Variants in MAN1A1 observed in about 807,000 individuals in gnomAD.
MAN1A1 encodes the protein mannosidase alpha class 1A member 1.
MAN1A1 carries 29 observed loss-of-function variants against 70.8 expected under a neutral mutation model. The ratio of observed to expected loss-of-function variants is 0.41; its 90% CI spans 0.31 to 0.56. The LOEUF is 0.56. Ranked by LOEUF, MAN1A1 falls within the 20% of genes least tolerant of loss-of-function variation. The probability of loss-of-function intolerance (pLI) is 0.29; values close to 1 mark genes in which losing one functional copy is unlikely to be tolerated. For missense variants in MAN1A1, 747 were observed against 841.3 expected (o/e 0.89, Z 1.39); for synonymous variants, 349 against 330.1 (o/e 1.06, Z -0.62).
chr6:119,337,133 T>C, intron 2 of MAN1A1, among the ~76,000 whole-genome samples: 1 of 152,184 alleles, frequency 6.6e-6, no homozygotes, highest in East Asian at 1.9e-4. Context: ...TACAGTCATA[T>C]AAGAAAATGA....
intron 2 of MAN1A1, chr6:119,331,873 G>T: frequency 2.4e-6 from 1 of 421,724 alleles, no homozygotes; most frequent in East Asian, 7.0e-5. Context: ...GGCCCCAGGG[G>T]ATATGGGGAA....
chr6:119,261,410 ATATT>A (rs1348765512), intron 5 of MAN1A1, among the ~76,000 whole-genome samples: 1 of 152,214 alleles, frequency 6.6e-6, no homozygotes, highest in African/African-American at 2.4e-5. Flanking sequence ...TATTCAACAA[ATATT>A]TATTTAGTGC....
intron 5 of MAN1A1, among the ~76,000 whole-genome samples, chr6:119,263,378 A>G (rs1307191132): frequency 2.0e-5 from 3 of 152,186 alleles, no homozygotes; most frequent in Non-Finnish European, 2.9e-5. Context: ...GGAGGCCATT[A>G]TCCTAAGCAA....
intron 2 of MAN1A1, among the ~76,000 whole-genome samples, chr6:119,321,259 A>G (rs1391937947): frequency 6.6e-6 from 1 of 152,236 alleles, no homozygotes; most frequent in East Asian, 1.9e-4. Flanking sequence ...TTTGAACAAT[A>G]TTAGAATTCC....
At chr6:119,217,142 C>T (rs1169083334) in intron 6 of MAN1A1, among the ~76,000 whole-genome samples, 1 of 152,164 alleles carries the variant, frequency 6.6e-6, no homozygotes, top group Admixed American at 6.5e-5. Flanking sequence ...TGAGAATGGT[C>T]TAGTTGCTCA....
At chr6:119,194,078 TA>T (rs1278263042) in intron 8 of MAN1A1, among the ~76,000 whole-genome samples, 186 bp from the exon 9 acceptor site, 1 of 152,214 alleles carries the variant, frequency 6.6e-6, no homozygotes, top group Non-Finnish European at 1.5e-5. Flanking sequence ...TTAACTAATG[TA>T]ACATACTCTA....
chr6:119,189,556 C>A (rs1342285280), intron 10 of MAN1A1, 108 bp downstream of exon 10: 3 of 946,878 alleles, frequency 3.2e-6, no homozygotes, highest in Admixed American at 2.0e-5. Context: ...TCACGATCAT[C>A]AAGCTTCATA....
intron 5 of MAN1A1, among the ~76,000 whole-genome samples, chr6:119,249,108 C>A (rs906593142): frequency 6.6e-6 from 1 of 151,980 alleles, no homozygotes; most frequent in East Asian, 1.9e-4. Context: ...TACCACAGAC[C>A]GGAGTGAAGA....
chr6:119,257,323 A>T (rs1416995361), intron 5 of MAN1A1, among the ~76,000 whole-genome samples: 1 of 152,190 alleles, frequency 6.6e-6, no homozygotes, highest in Non-Finnish European at 1.5e-5. Flanking sequence ...AGTTTAAAAG[A>T]TGGTTAAAAG....
At position 119,180,444 on chromosome 6, in the gene MAN1A1, GA is replaced by G. The variant is rs553091066; in HGVS notation, c.1720-18del. ...TTCCAAGGCCTAAATTATAGAGGAG[GA>G]AAAAAAAAAGTCACATTTCAGTAAA... On this transcript the variant is annotated intron_variant, in intron 11 of 12. Transcript: ENST00000368468. 1,558 of 1,243,312 alleles carry G rather than the reference GA, an allele frequency of 1.3e-3. No individual in the cohort carries two copies. The highest frequency in any genetic ancestry group is 1.8e-3 in the Admixed American group (81 of 45,054). 77.0% of individuals were successfully genotyped at this position (1,243,312 alleles called of 1,614,324 possible). A position where few individuals can be genotyped will look rare whatever the true frequency, so the allele number is the denominator to read the frequency against.
rs180932118 is a variant in MAN1A1 at position 119,178,445 on chromosome 6, C to A, written c.*1374G>T. The A allele has an allele frequency of 6.6e-6, 1 of 152,108 alleles. No homozygotes were observed. Among genetic ancestry groups the A allele is most frequent in the Admixed American group, 6.5e-5 (1 of 15,268 alleles). The allele number at this position is 152,108 out of a possible 1,614,324, so 9.4% of individuals were successfully genotyped here. On this transcript the variant is annotated 3_prime_UTR_variant, in exon 13 of 13. Transcript: ENST00000368468. The stretch of plus-strand genomic sequence containing the variant: ...CCCTTCAGTATATGCATCGTATTAG[C>A]CCTTTCATGGAAGTATATCTACATA...
At chr6:119,280,696 T>G (rs1008487725) in intron 5 of MAN1A1, among the ~76,000 whole-genome samples, 1 of 152,226 alleles carries the variant, frequency 6.6e-6, no homozygotes. Flanking sequence ...AAAATAACTT[T>G]TGTTGAAAAA....
intron 2 of MAN1A1, among the ~76,000 whole-genome samples, chr6:119,343,136 G>GAA (rs796450746): frequency 7.5e-6 from 1 of 133,640 alleles, no homozygotes. Context: ...ATCGTTGGCT[G>GAA]AAAAAAAAAA....
Position 119,349,161 on chromosome 6 carries a change from C to G in MAN1A1, c.-96G>C. 4 of 1,231,850 alleles carry G rather than the reference C, an allele frequency of 3.2e-6. No homozygotes were observed. The highest frequency in any genetic ancestry group is 4.0e-6 in the Non-Finnish European group (4 of 988,702). 76.3% of individuals were successfully genotyped at this position (1,231,850 alleles called of 1,614,324 possible). On this transcript the variant is annotated 5_prime_UTR_variant, in exon 2 of 13. Transcript: ENST00000368468. ...GGCTGCGGGGCTGGGTCCTGCGTAGCCAGGCCGCCCGACCCCCTCGGCTGG... is the reference window on the plus strand; with the variant it reads ...GGCTGCGGGGCTGGGTCCTGCGTAGGCAGGCCGCCCGACCCCCTCGGCTGG...
intron 5 of MAN1A1, among the ~76,000 whole-genome samples, chr6:119,250,599 T>C (rs1288432062): frequency 2.0e-5 from 3 of 152,092 alleles, no homozygotes; most frequent in South Asian, 2.1e-4. Flanking sequence ...TATCCAACTG[T>C]TGTTTTGGTG....
chr6:119,312,949 G>C (rs1305991465), intron 2 of MAN1A1, among the ~76,000 whole-genome samples: 1 of 152,154 alleles, frequency 6.6e-6, no homozygotes, highest in Non-Finnish European at 1.5e-5. Flanking sequence ...GATCAGGTGT[G>C]ACAGGGCACC....
At chr6:119,301,239 A>G (rs999447609) in intron 4 of MAN1A1, among the ~76,000 whole-genome samples, 2 of 152,234 alleles carry the variant, frequency 1.3e-5, no homozygotes, top group African/African-American at 2.4e-5. Context: ...CATGGCCTAC[A>G]TGCTTTCTTC....
At chr6:119,183,106 T>G (rs1340512173) in intron 11 of MAN1A1, among the ~76,000 whole-genome samples, 3 of 152,208 alleles carry the variant, frequency 2.0e-5, no homozygotes, top group Non-Finnish European at 4.4e-5. Flanking sequence ...CTGCAGATAC[T>G]GATAATGAGG....
intron 5 of MAN1A1, among the ~76,000 whole-genome samples, chr6:119,264,719 G>A (rs1277305819): frequency 6.6e-6 from 1 of 152,156 alleles, no homozygotes; most frequent in Non-Finnish European, 1.5e-5. Flanking sequence ...ACCACATTGA[G>A]AATCTAATTA....
Sources: gnomAD v4.1 joint callset for allele counts (sites outside exome capture counted in the v4.1 genomes callset) on GRCh38, gnomAD v4.1.1 for gene constraint, MANE v1.5 for transcripts, NCBI Gene and HGNC (gene_info 2026-07-23, HGNC 2026-07-21) for gene names.